IGF1R: variants seen among roughly 807,000 people sequenced by gnomAD.
IGF1R encodes the protein insulin like growth factor 1 receptor, also known as insulin-like growth factor 1 receptor.
A neutral mutation model predicts 144.6 loss-of-function variants in IGF1R; 44 were observed. The ratio of observed to expected loss-of-function variants is 0.30; its 90% confidence interval spans 0.24 to 0.39. IGF1R has a LOEUF of 0.39. IGF1R is among the 10% of genes least tolerant of loss of function. IGF1R has a pLI of 1.00. For synonymous variants in IGF1R, 795 were observed against 722.8 expected (o/e 1.10, Z -1.60); for missense variants, 1,355 against 1,833.7 (o/e 0.74, Z 4.77).
intron 2 of IGF1R, among the ~76,000 whole-genome samples, chr15:98,806,889 G>A (rs570981895): frequency 1.3e-5 from 2 of 152,256 alleles, no homozygotes; most frequent in South Asian, 2.1e-4. Context: ...GGTCAGGCGC[G>A]GTGGCTCACA....
chr15:98,787,217 G>A (rs530035334), intron 2 of IGF1R, among the ~76,000 whole-genome samples: 11 of 152,220 alleles, frequency 7.2e-5, no homozygotes, highest in African/African-American at 2.4e-4. Flanking sequence ...CTCTGTTTTT[G>A]TCCTCTCCTG....
chr15:98,934,559 C>A (rs1229321786), intron 15 of IGF1R, among the ~76,000 whole-genome samples: 1 of 152,154 alleles, frequency 6.6e-6, no homozygotes, highest in Non-Finnish European at 1.5e-5. Context: ...GACTTCCTTG[C>A]TTTGTTCTGG....
intron 2 of IGF1R, among the ~76,000 whole-genome samples, chr15:98,864,065 T>G (rs946539626): frequency 1.3e-5 from 2 of 152,020 alleles, no homozygotes; most frequent in African/African-American, 4.8e-5. Context: ...TGGGACCAGC[T>G]TGGGCAACAT....
At chr15:98,816,639 T>C (rs1453265603) in intron 2 of IGF1R, among the ~76,000 whole-genome samples, 1 of 152,230 alleles carries the variant, frequency 6.6e-6, no homozygotes, top group Non-Finnish European at 1.5e-5. Context: ...GGGACTTCCC[T>C]TGTGCCTGTG....
intron 2 of IGF1R, among the ~76,000 whole-genome samples, chr15:98,709,759 C>T (rs1223516218): frequency 6.6e-6 from 1 of 152,138 alleles, no homozygotes; most frequent in Non-Finnish European, 1.5e-5. Context: ...TCCAGTACAT[C>T]CCTTAGTGGT....
intron 2 of IGF1R, 57 bp downstream of exon 2, chr15:98,708,164 C>A: frequency 7.0e-7 from 1 of 1,427,062 alleles, no homozygotes. Context: ...TCTCCTCCTC[C>A]TTGACCTCCC....
chr15:98,800,586 G>C (rs1418509983), intron 2 of IGF1R, among the ~76,000 whole-genome samples: 2 of 152,180 alleles, frequency 1.3e-5, no homozygotes, highest in Non-Finnish European at 2.9e-5. Flanking sequence ...CTGGGTGTTA[G>C]CGTTAGAACC....
At chr15:98,702,982 A>T (rs1466926998) in intron 1 of IGF1R, among the ~76,000 whole-genome samples, 1 of 152,050 alleles carries the variant, frequency 6.6e-6, no homozygotes, top group Non-Finnish European at 1.5e-5. Flanking sequence ...GGAGAAGTGA[A>T]TTCTACCCAG....
At chr15:98,656,479 G>A (rs1390571572) in intron 1 of IGF1R, among the ~76,000 whole-genome samples, 1 of 152,156 alleles carries the variant, frequency 6.6e-6, no homozygotes, top group Admixed American at 6.6e-5. Context: ...AACCCAGGAG[G>A]CAGAGGTTGC....
intron 2 of IGF1R, among the ~76,000 whole-genome samples, chr15:98,839,706 A>G (rs2011142459): frequency 6.6e-6 from 1 of 152,192 alleles, no homozygotes; most frequent in South Asian, 2.1e-4. Context: ...CCCATTAATG[A>G]CAGATCTGAG....
At chr15:98,916,282 G>A in intron 9 of IGF1R, 151 bp downstream of exon 9, 1 of 641,250 alleles carries the variant, frequency 1.6e-6, no homozygotes, top group South Asian at 1.9e-5. Flanking sequence ...TTTTTTTTGA[G>A]ACAGAGTCTC....
chr15:98,666,524 T>C (rs2052742283), intron 1 of IGF1R, among the ~76,000 whole-genome samples: 1 of 152,230 alleles, frequency 6.6e-6, no homozygotes, highest in Non-Finnish European at 1.5e-5. Flanking sequence ...AAATGTGGTC[T>C]ATCCATACAA....
At chr15:98,791,844 T>C (rs2056134497) in intron 2 of IGF1R, among the ~76,000 whole-genome samples, 1 of 152,220 alleles carries the variant, frequency 6.6e-6, no homozygotes, top group African/African-American at 2.4e-5. Context: ...TTCACATAAA[T>C]ACAGACTGAG....
chr15:98,753,223 G>A (rs1393237557), intron 2 of IGF1R, among the ~76,000 whole-genome samples: 2 of 131,558 alleles, frequency 1.5e-5, no homozygotes, highest in Non-Finnish European at 3.3e-5. Flanking sequence ...GAGCCATTAC[G>A]TCCAGCCTTT....
intron 3 of IGF1R, among the ~76,000 whole-genome samples, 194 bp from the exon 4 acceptor site, chr15:98,896,563 G>C (rs1057509512): frequency 3.9e-5 from 6 of 152,292 alleles, no homozygotes; most frequent in African/African-American, 9.6e-5. Flanking sequence ...TTCTCCTTTT[G>C]CTTGCAATGT....
chr15:98,655,765 C>G (rs953086253), intron 1 of IGF1R, among the ~76,000 whole-genome samples: 1 of 150,014 alleles, frequency 6.7e-6, no homozygotes, highest in East Asian at 1.9e-4. Context: ...GTCACCTAGG[C>G]TGGAATGCAG....
At chr15:98,774,391 G>A (rs2141378090) in intron 2 of IGF1R, among the ~76,000 whole-genome samples, 2 of 152,322 alleles carry the variant, frequency 1.3e-5, no homozygotes, top group African/African-American at 2.4e-5. Context: ...GTTTACCATT[G>A]ATTGCACAGG....
chr15:98,746,678 T>A (rs1315148157), intron 2 of IGF1R, among the ~76,000 whole-genome samples: 5 of 152,238 alleles, frequency 3.3e-5, no homozygotes, highest in Admixed American at 1.3e-4. Context: ...CTCCTTTTCC[T>A]TGTCATTGTT....
intron 1 of IGF1R, among the ~76,000 whole-genome samples, chr15:98,672,631 T>C (rs1378280853): frequency 6.6e-6 from 1 of 151,468 alleles, no homozygotes; most frequent in African/African-American, 2.4e-5. Flanking sequence ...AATGCTTCCA[T>C]GCTAAACGTT....
Sources: allele counts gnomAD v4.1 joint callset (sites outside exome capture counted in the v4.1 genomes callset), GRCh38; gene constraint gnomAD v4.1.1; transcripts MANE v1.5; gene names NCBI Gene and HGNC (gene_info 2026-07-23, HGNC 2026-07-21).